Variants in ATXN1 observed in about 807,000 individuals in gnomAD.
ATXN1 encodes ataxin 1.
In ATXN1, 8 loss-of-function variants were observed where a neutral mutation model predicts 56.4. The ratio of observed to expected loss-of-function variants is 0.14; its 90% CI spans 0.08 to 0.26. The LOEUF is 0.26. Among genes scored for constraint, ATXN1 ranks in the 10% least tolerant of loss-of-function variants. The pLI is 1.00. For synonymous variants in ATXN1, 514 were observed against 494.6 expected (o/e 1.04, Z -0.52); for missense variants, 987 against 1,106.5 (o/e 0.89, Z 1.53).
intron 3 of ATXN1, among the ~76,000 whole-genome samples, chr6:16,650,164 GAGA>G (rs1250186868): frequency 6.6e-6 from 1 of 152,114 alleles, no homozygotes; most frequent in Non-Finnish European, 1.5e-5. Flanking sequence ...AGTCTCATGC[GAGA>G]AGAAACAACA....
chr6:16,428,906 G>A (rs1759216954), intron 6 of ATXN1, among the ~76,000 whole-genome samples: 2 of 152,230 alleles, frequency 1.3e-5, no homozygotes, highest in Admixed American at 6.5e-5. Context: ...TGGGAGCTGG[G>A]CCCTGAAGTA....
Position 16,301,160 on chromosome 6 carries a change from A to G in ATXN1, c.*5169T>C, listed in dbSNP as rs1311004156. 1.3e-5 allele frequency: 2 copies of G among 152,228 alleles called. No individual in the cohort carries two copies. Among genetic ancestry groups the G allele is most frequent in the Non-Finnish European group, 2.9e-5 (2 of 67,986 alleles). 9.4% of individuals were successfully genotyped at this position (152,228 alleles called of 1,614,324 possible). ...ATATCTTTCAAACACTGAATGAATC[A>G]TTTCGACATTCATTTTTCTTTTGTG... On this transcript the variant is annotated 3_prime_UTR_variant, in exon 8 of 8. Transcript: ENST00000436367.
rs377356058 is a variant in ATXN1 at position 16,326,429 on chromosome 6, C to T, written c.1882G>A (p.Val628Met). The T allele has an allele frequency of 1.3e-5, 21 of 1,613,884 alleles. No individual in the cohort carries two copies. The highest frequency in any genetic ancestry group is 6.7e-5 in the African/African-American group (5 of 74,920). Reference protein sequence around the residue: ...IEDSHSPGVAVIQFAVGEHRA... With the variant: ...IEDSHSPGVAMIQFAVGEHRA... ...TGCTCCCCGACGGCGAACTGTATCA[C>T]GGCCACGCCCGGGCTATGGCTGTCT... The change falls in exon 7 of 8, where the codon GTG becomes ATG. Residue 628 changes from valine (V) to methionine (M), a missense_variant. Val to Met is a conservative substitution (Grantham distance 21). Coordinates refer to ENST00000436367, the MANE Select transcript of ATXN1 (RefSeq NM_001128164.2). The surrounding 1 kb of genome is among the most constrained non-coding windows in gnomAD (Gnocchi z 6.6).
chr6:16,689,521 C>CTTTTTTTTTTTTTTTTTTTTTTTT (rs11374047), intron 2 of ATXN1, among the ~76,000 whole-genome samples: 38 of 105,218 alleles, frequency 3.6e-4, no homozygotes, highest in African/African-American at 8.5e-4. Flanking sequence ...TTTTTTTTTT[C>CTTTTTTTTTTTTTTTTTTTTTTTT]TTTTTTTTTT....
At chr6:16,420,395 G>C (rs992561442) in intron 6 of ATXN1, among the ~76,000 whole-genome samples, 1 of 152,112 alleles carries the variant, frequency 6.6e-6, no homozygotes, top group African/African-American at 2.4e-5. Context: ...AATGGAGGGG[G>C]GAGCCTAACT....
At chr6:16,676,390 T>C (rs2113391067) in intron 2 of ATXN1, among the ~76,000 whole-genome samples, 1 of 152,316 alleles carries the variant, frequency 6.6e-6, no homozygotes, top group Middle Eastern at 3.4e-3. Context: ...TAGTACATTA[T>C]TTCAAAACCC....
intron 5 of ATXN1, among the ~76,000 whole-genome samples, chr6:16,500,685 C>T (rs950954261): frequency 2.2e-5 from 3 of 138,924 alleles, no homozygotes; most frequent in Non-Finnish European, 4.6e-5. Flanking sequence ...TGTAGTAATT[C>T]TTTCCAAGAT....
chr6:16,609,265 A>T (rs1256236012), intron 3 of ATXN1, among the ~76,000 whole-genome samples: 2 of 152,196 alleles, frequency 1.3e-5, no homozygotes, highest in Non-Finnish European at 2.9e-5. Context: ...GGGCATTCAC[A>T]TTCGGAAGGC....
intron 6 of ATXN1, among the ~76,000 whole-genome samples, chr6:16,483,353 T>C (rs531630257): frequency 3.1e-4 from 47 of 152,362 alleles, no homozygotes; most frequent in African/African-American, 1.1e-3. Flanking sequence ...CCTGTTTATG[T>C]GCAAACATGC....
At chr6:16,739,645 A>G (rs1760262320) in intron 2 of ATXN1, 20 of 350,616 alleles carry the variant, frequency 5.7e-5, no homozygotes, top group South Asian at 3.7e-4. Flanking sequence ...CGTCCTGGCC[A>G]TTAATGACTA....
intron 2 of ATXN1, among the ~76,000 whole-genome samples, chr6:16,704,423 G>A (rs1360537388): frequency 2.6e-5 from 4 of 152,100 alleles, no homozygotes; most frequent in African/African-American, 9.7e-5. Context: ...CTAAGAATCT[G>A]TACAGATCAA....
intron 2 of ATXN1, among the ~76,000 whole-genome samples, chr6:16,722,886 A>G (rs1448327993): frequency 1.3e-5 from 2 of 152,194 alleles, no homozygotes; most frequent in Admixed American, 6.5e-5. Flanking sequence ...CTCTGCTTCA[A>G]AAGATCTGTT....
intron 2 of ATXN1, among the ~76,000 whole-genome samples, chr6:16,683,163 A>G (rs545753033): frequency 1.1e-3 from 160 of 152,362 alleles, no homozygotes; most frequent in African/African-American, 3.8e-3. Context: ...TTTGTAATAC[A>G]ATCAATCACT....
intron 2 of ATXN1, among the ~76,000 whole-genome samples, chr6:16,748,471 C>T (rs1760605025): frequency 6.6e-6 from 1 of 152,192 alleles, no homozygotes. Context: ...GATTCTATCA[C>T]TTAACAGCTG....
chr6:16,747,689 A>T (rs1380231197), intron 2 of ATXN1, among the ~76,000 whole-genome samples: 1 of 151,966 alleles, frequency 6.6e-6, no homozygotes, highest in Non-Finnish European at 1.5e-5. Context: ...AGTCCTCAGT[A>T]ATTTTTCACT....
At chr6:16,361,974 C>T (rs1004444614) in intron 6 of ATXN1, among the ~76,000 whole-genome samples, 6 of 152,196 alleles carry the variant, frequency 3.9e-5, no homozygotes, top group Admixed American at 6.5e-5. Context: ...CCTCATCCAG[C>T]GAACTAGGAG....
At chr6:16,690,933 G>A (rs1759031723) in intron 2 of ATXN1, among the ~76,000 whole-genome samples, 1 of 152,122 alleles carries the variant, frequency 6.6e-6, no homozygotes, top group Non-Finnish European at 1.5e-5. Flanking sequence ...AGAGGATTAC[G>A]AAATAATGAC....
intron 6 of ATXN1, among the ~76,000 whole-genome samples, chr6:16,346,661 T>C (rs776575487): frequency 2.2e-4 from 33 of 152,240 alleles, no homozygotes; most frequent in Non-Finnish European, 4.4e-4. Flanking sequence ...CCCTCTTTTT[T>C]GTCGCCGGGT....
chr6:16,731,996 G>A (rs914221015), intron 2 of ATXN1, among the ~76,000 whole-genome samples: 10 of 152,010 alleles, frequency 6.6e-5, no homozygotes, highest in Admixed American at 3.9e-4. Flanking sequence ...ACTCAAACAC[G>A]GCTTTTAAAC....
Sources: allele counts gnomAD v4.1 joint callset (sites outside exome capture counted in the v4.1 genomes callset), GRCh38; gene constraint gnomAD v4.1.1; non-coding constraint Gnocchi (gnomAD v3.1); transcripts MANE v1.5; gene names NCBI Gene and HGNC (gene_info 2026-07-23, HGNC 2026-07-21).